Variants in C12orf42 observed in about 807,000 individuals in gnomAD.
C12orf42 encodes chromosome 12 open reading frame 42, also known as uncharacterized protein C12orf42.
In C12orf42, 25 loss-of-function variants were observed where a neutral mutation model predicts 21.6. The ratio of observed to expected loss-of-function variants is 1.16; its 90% confidence interval spans 0.84 to 1.62. The LOEUF is 1.62. Among genes scored for constraint, C12orf42 ranks in the 40% most tolerant of loss-of-function variants. The pLI, the probability that C12orf42 is intolerant of heterozygous loss-of-function variation, is 0.00. For synonymous variants in C12orf42, 174 were observed against 175.0 expected (o/e 0.99, Z 0.05); for missense variants, 483 against 459.3 (o/e 1.05, Z -0.47).
the C12orf42 span, among the ~76,000 whole-genome samples, chr12:103,206,859 C>T: frequency 1.3e-5 from 2 of 152,202 alleles, no homozygotes; most frequent in Non-Finnish European, 2.9e-5. Context: ...GGAGCACCTC[C>T]AGCCGATCTT....
rs1463384609 is a variant in C12orf42, at chr12:103,412,637, T to C, written c.79-10962A>G. 3.9e-5 allele frequency among the ~76,000 whole-genome samples: 6 copies of C among 152,310 alleles called. No individual in the cohort carries two copies. The East Asian group carries it at 1.2e-3, about 29-fold the overall frequency. On this transcript the variant is annotated intron_variant, in intron 2 of 5. Transcript: ENST00000548883. Reference sequence around the variant, plus strand: ...TACTACAACTTACTGCAAACCTAAATTGCAGTAATCTCCAGACTGCTTTCT... The same window carrying C: ...TACTACAACTTACTGCAAACCTAAACTGCAGTAATCTCCAGACTGCTTTCT...
the C12orf42 span, among the ~76,000 whole-genome samples, chr12:103,160,730 T>C: frequency 1.3e-5 from 2 of 152,214 alleles, no homozygotes; most frequent in Non-Finnish European, 2.9e-5. Context: ...ACTTCACAGA[T>C]GATTTCCATG....
chr12:103,378,288 G>A (rs562493750), intron 3 of C12orf42, among the ~76,000 whole-genome samples: 48 of 151,026 alleles, frequency 3.2e-4, no homozygotes, highest in South Asian at 2.1e-3. Context: ...CTGCTCACTC[G>A]TCTACACTGT....
At chr12:103,213,376 C>T in the C12orf42 span, among the ~76,000 whole-genome samples, 1 of 152,316 alleles carries the variant, frequency 6.6e-6, no homozygotes, top group Admixed American at 6.5e-5. Flanking sequence ...TTCAACCACA[C>T]AAAAATTTTG....
chr12:103,330,295 C>T (rs1034115023), intron 4 of C12orf42, among the ~76,000 whole-genome samples: 15 of 152,174 alleles, frequency 9.9e-5, no homozygotes, highest in African/African-American at 3.6e-4. Context: ...GTTTTAGAGA[C>T]TGTATCTGTG....
chr12:103,535,571 C>T, the C12orf42 span, among the ~76,000 whole-genome samples: 1 of 151,580 alleles, frequency 6.6e-6, no homozygotes, highest in Non-Finnish European at 1.5e-5. Context: ...AGAGACTCTT[C>T]AAAGGGTTTA....
chr12:103,371,635 TGAGA>T (rs746905369), intron 3 of C12orf42, among the ~76,000 whole-genome samples: 4 of 152,062 alleles, frequency 2.6e-5, no homozygotes, highest in Admixed American at 6.6e-5. Context: ...AGAGAGGGCT[TGAGA>T]GAAAGTGAGA....
the C12orf42 span, among the ~76,000 whole-genome samples, chr12:103,126,855 A>G: frequency 3.3e-5 from 5 of 152,340 alleles, no homozygotes; most frequent in Admixed American, 2.0e-4. Flanking sequence ...ACATCACTAT[A>G]TAAAGGGCAT....
the C12orf42 span, among the ~76,000 whole-genome samples, chr12:103,131,109 G>A: frequency 1.5e-3 from 228 of 152,274 alleles, 3 homozygotes; most frequent in African/African-American, 5.3e-3. Context: ...AGATGGTGGC[G>A]GGTGTCCTAG....
chr12:103,140,866 A>G, the C12orf42 span, among the ~76,000 whole-genome samples: 8 of 152,134 alleles, frequency 5.3e-5, no homozygotes, highest in African/African-American at 1.9e-4. Context: ...ACACCATACA[A>G]TGTACGCATT....
At chr12:103,319,144 C>T (rs1045146146) in intron 4 of C12orf42, among the ~76,000 whole-genome samples, 11 of 152,136 alleles carry the variant, frequency 7.2e-5, no homozygotes, top group African/African-American at 9.7e-5. Flanking sequence ...TATTAAAATT[C>T]GAAGGGCTGT....
chr12:103,158,446 C>G, the C12orf42 span, among the ~76,000 whole-genome samples: 1 of 152,120 alleles, frequency 6.6e-6, no homozygotes, highest in Non-Finnish European at 1.5e-5. Context: ...CTAAGGAACC[C>G]TTAGGCTGTG....
At chr12:103,291,277 T>C (rs1272199884) in intron 4 of C12orf42, among the ~76,000 whole-genome samples, 1 of 152,186 alleles carries the variant, frequency 6.6e-6, no homozygotes, top group Admixed American at 6.5e-5. Context: ...GTAACCTCTT[T>C]ATTCTGAGTT....
intron 2 of C12orf42, among the ~76,000 whole-genome samples, chr12:103,476,163 G>A (rs1244531949): frequency 6.6e-6 from 1 of 152,204 alleles, no homozygotes; most frequent in Non-Finnish European, 1.5e-5. Context: ...GATAATGAAA[G>A]CAGGCTGATG....
chr12:103,156,660 T>C, the C12orf42 span, among the ~76,000 whole-genome samples: 2 of 152,130 alleles, frequency 1.3e-5, no homozygotes, highest in Non-Finnish European at 2.9e-5. Flanking sequence ...CTTGTGTGTG[T>C]TGTTTCTCTC....
chr12:103,373,319 G>C (rs977243436), intron 3 of C12orf42, among the ~76,000 whole-genome samples: 3 of 152,060 alleles, frequency 2.0e-5, no homozygotes, highest in Non-Finnish European at 4.4e-5. Context: ...GTGTGCTATC[G>C]GCTGTAGATT....
At chr12:103,269,727 T>G (rs973258392) in intron 6 of C12orf42, 5 of 152,070 alleles carry the variant, frequency 3.3e-5, no homozygotes, top group African/African-American at 1.2e-4. Context: ...AAACTCATGC[T>G]CTAGTGGAGA....
chr12:103,056,295 C>T, the C12orf42 span, among the ~76,000 whole-genome samples: 7 of 152,106 alleles, frequency 4.6e-5, no homozygotes, highest in Admixed American at 1.3e-4. Flanking sequence ...CTAGTTTTGG[C>T]CTCTGGGGTT....
the C12orf42 span, among the ~76,000 whole-genome samples, chr12:103,528,604 C>T: frequency 4.6e-5 from 7 of 152,152 alleles, no homozygotes; most frequent in Admixed American, 4.6e-4. Context: ...TTGCCTCCTC[C>T]CTCACCCTGT....
Sources: gnomAD v4.1 joint callset for allele counts (sites outside exome capture counted in the v4.1 genomes callset) on GRCh38, gnomAD v4.1.1 for gene constraint, MANE v1.5 for transcripts, NCBI Gene and HGNC (gene_info 2026-07-23, HGNC 2026-07-21) for gene names.